The following DPP6 variants were observed in gnomAD, a reference collection of about 807,000 sequenced individuals.
The protein encoded by DPP6 is A-type potassium channel modulatory protein DPP6.
Under a neutral mutation model 122.6 loss-of-function variants are expected in DPP6, and 69 were observed. The observed-to-expected ratio is 0.56, with a 90% confidence interval of 0.46 to 0.69. The LOEUF is 0.69. Among genes scored for constraint, DPP6 ranks in the 30% least tolerant of loss-of-function variants. The pLI, the probability that DPP6 is intolerant of heterozygous loss-of-function variation, is 0.00. For synonymous variants in DPP6, 418 were observed against 433.1 expected, an observed-to-expected ratio of 0.97 and a Z score of 0.43; for missense variants, 928 against 1,116.9, an observed-to-expected ratio of 0.83 and a Z score of 2.41.
At position 154,263,767 on chromosome 7, in the gene DPP6, A is replaced by G. The variant is rs577122276; in HGVS notation, c.244-182447A>G. 1.5e-4 allele frequency among the ~76,000 whole-genome samples: 23 copies of G among 152,202 alleles called. No individual in the cohort carries two copies. The South Asian group carries it at 4.4e-3, about 29-fold the overall frequency. ...CAATGGCACGATCTCGGCTCCCTGC[A>G]AGCTCTGCAACCTACCAGGTTCAAG... On this transcript the variant is annotated intron_variant, in intron 1 of 25. Coordinates refer to ENST00000377770, the MANE Select transcript of DPP6 (RefSeq NM_130797.4).
chr7:154,543,184 T>C (rs1828869877), intron 4 of DPP6, among the ~76,000 whole-genome samples: 1 of 152,178 alleles, frequency 6.6e-6, no homozygotes, highest in African/African-American at 2.4e-5. Context: ...GTATAAATGA[T>C]AAAAAGCAAT....
chr7:154,769,139 A>G (rs1203195331), intron 8 of DPP6, among the ~76,000 whole-genome samples: 3 of 151,776 alleles, frequency 2.0e-5, no homozygotes, highest in Non-Finnish European at 4.4e-5. Flanking sequence ...GTGTGCAAAG[A>G]AAAAAAAAGT....
the DPP6 span, among the ~76,000 whole-genome samples, chr7:153,805,140 A>C: frequency 6.6e-6 from 1 of 152,220 alleles, no homozygotes; most frequent in Non-Finnish European, 1.5e-5. Flanking sequence ...ATTTTAATGA[A>C]ATAAGGACTT....
chr7:154,609,410 G>A lies in DPP6; in HGVS notation c.628-28411G>A, dbSNP rs574139095. 7.2e-5 allele frequency among the ~76,000 whole-genome samples: 11 copies of A among 152,202 alleles called. No individual in the cohort carries two copies. In the East Asian group the frequency reaches 1.2e-3, roughly 16 times the overall value. On this transcript the variant is annotated intron_variant, in intron 5 of 25. Transcript: ENST00000377770. Reference sequence around the variant, plus strand: ...CAAGCTTACAAGCGAGTTCACTAGGGGATTTACTCTGTAGACATGTTGATT... The same window carrying A: ...CAAGCTTACAAGCGAGTTCACTAGGAGATTTACTCTGTAGACATGTTGATT...
intron 1 of DPP6, among the ~76,000 whole-genome samples, chr7:153,963,108 G>T (rs1795442343): frequency 6.6e-6 from 1 of 152,156 alleles, no homozygotes; most frequent in African/African-American, 2.4e-5. Flanking sequence ...AACCCTCATT[G>T]TTTCAAGGAA....
intron 1 of DPP6, among the ~76,000 whole-genome samples, chr7:154,353,725 C>T (rs1421530075): frequency 6.6e-6 from 1 of 152,176 alleles, no homozygotes; most frequent in Non-Finnish European, 1.5e-5. Flanking sequence ...GAAGACGACT[C>T]TGACACTAAC....
At chr7:154,005,891 C>T (rs764266512) in intron 1 of DPP6, among the ~76,000 whole-genome samples, 3 of 152,124 alleles carry the variant, frequency 2.0e-5, no homozygotes, top group African/African-American at 7.2e-5. Context: ...GCCTCACTGC[C>T]GCCATTCCCC....
chr7:153,848,090 A>T, the DPP6 span, among the ~76,000 whole-genome samples: 1 of 152,198 alleles, frequency 6.6e-6, no homozygotes, highest in Non-Finnish European at 1.5e-5. Flanking sequence ...TCGGGCGGAT[A>T]GGGGACCGGG....
chr7:154,640,124 C>T (rs1008939093), intron 6 of DPP6, among the ~76,000 whole-genome samples: 8 of 152,242 alleles, frequency 5.3e-5, no homozygotes, highest in Non-Finnish European at 1.0e-4. Flanking sequence ...TGGTGGTGCA[C>T]ACCTCTAGTC....
chr7:153,832,593 C>A, the DPP6 span, among the ~76,000 whole-genome samples: 709 of 152,338 alleles, frequency 4.7e-3, 6 homozygotes, highest in African/African-American at 0.016. Flanking sequence ...TTAGATACAT[C>A]ATTTGCCATC....
the DPP6 span, among the ~76,000 whole-genome samples, chr7:153,821,904 G>T: frequency 6.6e-6 from 1 of 152,082 alleles, no homozygotes; most frequent in Non-Finnish European, 1.5e-5. Context: ...GTCAAATTCT[G>T]CTGCTGGTGG....
Position 154,271,813 on chromosome 7 carries a change from T to G in DPP6, c.244-174401T>G, listed in dbSNP as rs148787282. 1.1e-3 allele frequency among the ~76,000 whole-genome samples: 163 copies of G among 152,248 alleles called. 2 individuals are homozygous for G. Among genetic ancestry groups the G allele is most frequent in the African/African-American group, 3.8e-3 (156 of 41,546 alleles). On this transcript the variant is annotated intron_variant, in intron 1 of 25. Transcript: ENST00000377770. ...TGGATCTGAAAGTAAAATCAACATA[T>G]TCTGAAGGAAAAGGATCCAGTGAAG... is the stretch of plus-strand genomic sequence containing the variant.
At chr7:154,261,808 A>C (rs1223462805) in intron 1 of DPP6, among the ~76,000 whole-genome samples, 1 of 152,228 alleles carries the variant, frequency 6.6e-6, no homozygotes, top group Non-Finnish European at 1.5e-5. Context: ...ATCATTAATG[A>C]TCAGGGAAAT....
chr7:154,801,023 G>A (rs1455264654), intron 12 of DPP6, among the ~76,000 whole-genome samples: 1 of 151,894 alleles, frequency 6.6e-6, no homozygotes, highest in Non-Finnish European at 1.5e-5. Context: ...TTTGAGTTTT[G>A]AGAGCAGAGT....
At chr7:154,625,319 T>A (rs1586759325) in intron 5 of DPP6, among the ~76,000 whole-genome samples, 1 of 101,376 alleles carries the variant, frequency 9.9e-6, no homozygotes, top group Admixed American at 1.0e-4. Flanking sequence ...ACACAGACAC[T>A]TTTTTTTTTT....
At chr7:154,383,536 T>G (rs1813812972) in intron 1 of DPP6, among the ~76,000 whole-genome samples, 1 of 152,218 alleles carries the variant, frequency 6.6e-6, no homozygotes, top group African/African-American at 2.4e-5. Flanking sequence ...TTGTCAATAA[T>G]TACATGAAAA....
intron 1 of DPP6, among the ~76,000 whole-genome samples, chr7:154,375,963 C>T (rs957328387): frequency 3.3e-5 from 5 of 152,180 alleles, no homozygotes; most frequent in African/African-American, 1.2e-4. Flanking sequence ...TCGAGGGGCC[C>T]AGCTAGGTCA....
intron 5 of DPP6, chr7:154,587,737 TG>T: frequency 6.4e-7 from 1 of 1,567,974 alleles, no homozygotes; most frequent in South Asian, 1.2e-5. Flanking sequence ...TAGCCCAGCT[TG>T]TCACCAGGGC....
intron 1 of DPP6, among the ~76,000 whole-genome samples, chr7:154,321,945 C>T (rs1225447215): frequency 6.6e-6 from 1 of 151,932 alleles, no homozygotes; most frequent in Non-Finnish European, 1.5e-5. Flanking sequence ...GGCTGAAAAC[C>T]CCCGCCAGCG....
Sources: allele counts gnomAD v4.1 joint callset (sites outside exome capture counted in the v4.1 genomes callset), GRCh38; gene constraint gnomAD v4.1.1; transcripts MANE v1.5; gene names NCBI Gene and HGNC (gene_info 2026-07-23, HGNC 2026-07-21).